Variants in FOXN3 observed in about 807,000 individuals in gnomAD.
The protein encoded by FOXN3 is forkhead box protein N3.
Under a neutral mutation model 38.4 loss-of-function variants are expected in FOXN3, and 7 were observed. That is an observed-to-expected ratio of 0.18 (90% CI 0.10 to 0.34). The LOEUF is 0.34. Ranked by LOEUF, FOXN3 falls within the 10% of genes least tolerant of loss-of-function variation. FOXN3 has a pLI of 1.00. For synonymous variants in FOXN3, 230 were observed against 242.2 expected, an observed-to-expected ratio of 0.95 and a Z score of 0.47; for missense variants, 456 against 613.4, an observed-to-expected ratio of 0.74 and a Z score of 2.71.
chr14:89,373,157 C>A (rs558243847), intron 2 of FOXN3, among the ~76,000 whole-genome samples: 17 of 151,918 alleles, frequency 1.1e-4, no homozygotes, highest in Admixed American at 2.0e-4. Flanking sequence ...CAGAGCGGGA[C>A]CCTGTCTCAA....
intron 5 of FOXN3, among the ~76,000 whole-genome samples, chr14:89,166,977 C>A (rs1887258980): frequency 6.6e-6 from 1 of 152,232 alleles, no homozygotes; most frequent in African/African-American, 2.4e-5. Flanking sequence ...TCTTAAAAAT[C>A]ATTCATTAAA....
chr14:89,383,029 GTTTTTTTTTTTTTTTT>G (rs57032907), intron 2 of FOXN3, among the ~76,000 whole-genome samples: 1 of 92,514 alleles, frequency 1.1e-5, no homozygotes, highest in Admixed American at 1.5e-4. Flanking sequence ...TTTGGGTGGT[GTTTTTTTTTTTTTTTT>G]TTTTTTTTTC....
intron 1 of FOXN3, among the ~76,000 whole-genome samples, chr14:89,477,445 C>T (rs1379294274): frequency 2.0e-5 from 3 of 152,238 alleles, no homozygotes; most frequent in Non-Finnish European, 4.4e-5. Flanking sequence ...CCAGGAGTCA[C>T]TTCAACCCTT....
chr14:89,417,639 G>A (rs1192011255), upstream of FOXN3: 1 of 454,808 alleles, frequency 2.2e-6, no homozygotes, highest in South Asian at 1.6e-5. Flanking sequence ...CCATCTGCAT[G>A]CCTTACATGG....
At chr14:89,228,811 T>C (rs1277440326) in intron 4 of FOXN3, among the ~76,000 whole-genome samples, 1 of 152,236 alleles carries the variant, frequency 6.6e-6, no homozygotes, top group Admixed American at 6.5e-5. Flanking sequence ...TGGAGTGATA[T>C]ATTAGAAAGA....
At chr14:89,589,503 C>T (rs532434815) in intron 1 of FOXN3, among the ~76,000 whole-genome samples, 1 of 152,230 alleles carries the variant, frequency 6.6e-6, no homozygotes, top group East Asian at 1.9e-4. Context: ...CATGCCAGGC[C>T]TCAGAAACAT....
chr14:89,270,941 C>T lies in FOXN3; in HGVS notation c.745+10009G>A, dbSNP rs76312732. The stretch of plus-strand genomic sequence containing the variant: ...CCAACAGGGGACCTGGGGAGAAAGA[C>T]GGGCAGAGGGATGGCAGGAGAGATT... On this transcript the variant is annotated intron_variant, in intron 4 of 5. Transcript: ENST00000557258. Among the ~76,000 whole-genome samples the T allele has an allele frequency of 2.4e-4, 36 of 152,214 alleles. No individual in the cohort carries two copies. In the East Asian group the frequency reaches 5.8e-3, roughly 24 times the overall value.
At chr14:89,373,221 A>G (rs1230102347) in intron 2 of FOXN3, among the ~76,000 whole-genome samples, 2 of 152,238 alleles carry the variant, frequency 1.3e-5, no homozygotes, top group Non-Finnish European at 2.9e-5. Flanking sequence ...TATATTTTTA[A>G]AGACACTGAA....
At chr14:89,589,228 G>A (rs1202403061) in intron 1 of FOXN3, among the ~76,000 whole-genome samples, 1 of 152,040 alleles carries the variant, frequency 6.6e-6, no homozygotes, top group Non-Finnish European at 1.5e-5. Context: ...TGTATGAGAT[G>A]ATGTGTTTTC....
chr14:89,580,506 TAC>T (rs1274979861), intron 1 of FOXN3, among the ~76,000 whole-genome samples: 1 of 152,212 alleles, frequency 6.6e-6, no homozygotes, highest in Non-Finnish European at 1.5e-5. Context: ...TTTAAGGGGA[TAC>T]AGTCTCATCC....
chr14:89,486,414 T>C (rs894372309), intron 1 of FOXN3, among the ~76,000 whole-genome samples: 5 of 152,240 alleles, frequency 3.3e-5, no homozygotes. Flanking sequence ...GCTGCATAAA[T>C]TGATCATTAA....
At chr14:89,278,291 T>C (rs1375260538) in intron 4 of FOXN3, among the ~76,000 whole-genome samples, 1 of 152,150 alleles carries the variant, frequency 6.6e-6, no homozygotes, top group Non-Finnish European at 1.5e-5. Flanking sequence ...GTGAGACTTA[T>C]GCACCACCAC....
intron 3 of FOXN3, among the ~76,000 whole-genome samples, chr14:89,316,191 A>G (rs751307334): frequency 6.6e-6 from 1 of 152,182 alleles, no homozygotes; most frequent in Non-Finnish European, 1.5e-5. Flanking sequence ...CCCTTCTGCC[A>G]TCAAGTGAAA....
intron 1 of FOXN3, among the ~76,000 whole-genome samples, chr14:89,440,205 C>T (rs957239284): frequency 1.3e-5 from 2 of 152,138 alleles, no homozygotes; most frequent in Non-Finnish European, 2.9e-5. Flanking sequence ...CCTGCCTACC[C>T]CTACTAAGGC....
At chr14:89,194,969 T>C (rs17125495) in intron 4 of FOXN3, among the ~76,000 whole-genome samples, 45,443 of 152,116 alleles carry the variant, frequency 0.3, 7,177 homozygotes, top group African/African-American at 0.4. Context: ...TTTTCACTTA[T>C]TTCGTCAGCC....
At chr14:89,439,010 G>A (rs1892325068) in intron 1 of FOXN3, among the ~76,000 whole-genome samples, 1 of 151,942 alleles carries the variant, frequency 6.6e-6, no homozygotes, top group Admixed American at 6.6e-5. Flanking sequence ...TGCCCACCTC[G>A]GCCTCCCAAA....
At chr14:89,400,430 GCTCCAC>G (rs902746375) in intron 2 of FOXN3, among the ~76,000 whole-genome samples, 1 of 152,164 alleles carries the variant, frequency 6.6e-6, no homozygotes, top group Non-Finnish European at 1.5e-5. Context: ...CTTCCTGACA[GCTCCAC>G]TTAGATGTCC....
rs1274804566 is a variant in FOXN3, at chr14:89,467,792, TTTTC to T, written c.-14-55306_-14-55303del. ...CAGCTAATTCTTCTTCTTCCTTTTC[TTTTC>T]TTTCTTTGTTTTTTTTTTTTTTTTT... On this transcript the variant is annotated intron_variant, in intron 1 of 6. Coordinates refer to the FOXN3 transcript ENST00000345097. Among the ~76,000 whole-genome samples, 507 of 140,086 alleles carry T rather than the reference TTTTC, an allele frequency of 3.6e-3. 6 individuals carry two copies. The highest frequency in any genetic ancestry group is 0.013 in the African/African-American group (483 of 37,690). 91.9% of individuals were successfully genotyped at this position (140,086 alleles called of 152,430 possible). A position where few individuals can be genotyped will look rare whatever the true frequency, so the allele number is the denominator to read the frequency against.
intron 4 of FOXN3, among the ~76,000 whole-genome samples, chr14:89,255,019 G>A (rs954536896): frequency 2.0e-5 from 3 of 150,936 alleles, no homozygotes; most frequent in Admixed American, 6.6e-5. Flanking sequence ...TCCCATGTGC[G>A]GCGCATTTGG....
Sources: gnomAD v4.1 joint callset for allele counts (sites outside exome capture counted in the v4.1 genomes callset) on GRCh38, gnomAD v4.1.1 for gene constraint, MANE v1.5 for transcripts, NCBI Gene and HGNC (gene_info 2026-07-23, HGNC 2026-07-21) for gene names.